Variants in STRN4 observed in about 807,000 individuals in gnomAD.
The protein encoded by STRN4 is striatin-4.
Under a neutral mutation model 77.9 loss-of-function variants are expected in STRN4, and 27 were observed. The ratio of observed to expected loss-of-function variants is 0.35; its 90% CI spans 0.26 to 0.48. STRN4 has a LOEUF of 0.48. Among genes scored for constraint, STRN4 ranks in the 20% least tolerant of loss-of-function variants. The pLI is 0.99. For missense variants in STRN4, 798 were observed against 1,049.7 expected, an observed-to-expected ratio of 0.76 and a Z score of 3.31; for synonymous variants, 466 against 443.1, an observed-to-expected ratio of 1.05 and a Z score of -0.65.
rs1394226837 is a variant in STRN4, at chr19:46,730,772, T to C, written c.839A>G (p.Asp280Gly). 6.2e-7 allele frequency: 1 copy of C among 1,612,964 alleles called. No homozygotes were observed. The highest frequency in any genetic ancestry group is 2.2e-5 in the East Asian group (1 of 44,890). Residue 280 changes from aspartate (D) to glycine (G), a missense_variant, in exon 6 of 18, where the codon GAT becomes GGT. This residue lies in a region of STRN4 where 511 missense variants were observed against 575.9 expected (regional missense o/e 0.89). Transcript: ENST00000263280. ...CTTGTGCTGCACGCTGTCCAGCTCA[T>C]CGTCCTCGTCGCTGTCTTCGTCCTC... ...NCEDEDSDED[D>G]ELDSVQHKKQ...
At chr19:46,728,363 C>T (rs1381948633) in intron 7 of STRN4, 8 of 596,528 alleles carry the variant, frequency 1.3e-5, no homozygotes, top group Admixed American at 6.1e-5. Flanking sequence ...GCTGGACGCC[C>T]GCCCTGGAGG....
Position 46,720,729 on chromosome 19 carries a change from G to A in STRN4, c.2135C>T (p.Thr712Met), listed in dbSNP as rs767231013. The A allele has an allele frequency of 5.0e-6, 8 of 1,606,972 alleles. No individual in the cohort carries two copies. Among genetic ancestry groups the A allele is most frequent in the South Asian group, 3.3e-5 (3 of 89,690 alleles). Reference protein sequence around the residue: ...SLRLWSLDNKTCVQEITAHRK... With the variant: ...SLRLWSLDNKMCVQEITAHRK... ...GTGGGCCGTGATCTCCTGCACGCAC[G>A]TTTTGTTGTCCAGGCTCCAGAGACG... The change falls in exon 17 of 18, where the codon ACG becomes ATG. Residue 712 changes from threonine to methionine, a missense_variant. Transcript: ENST00000263280.
At chr19:46,739,094 G>A (rs562372609) in intron 1 of STRN4, among the ~76,000 whole-genome samples, 9 of 152,314 alleles carry the variant, frequency 5.9e-5, no homozygotes, top group African/African-American at 1.7e-4. Flanking sequence ...CCCCTGCCAC[G>A]TCACCCACAA....
rs771382152 is a variant in STRN4 at position 46,738,044 on chromosome 19, G to T, written c.460+120C>A. On this transcript the variant is annotated intron_variant, in intron 3 of 17. Coordinates refer to ENST00000263280, the MANE Select transcript of STRN4 (RefSeq NM_013403.3). This position sits in a 1 kb window ranked among gnomAD's most constrained non-coding sequence, Gnocchi z 4.5. ...TGAGATTCCGCCCCTCCCCAGCCCCGGGGCCGATTCTGCCTTCTAAGGAGC... is the reference window on the plus strand; with the variant it reads ...TGAGATTCCGCCCCTCCCCAGCCCCTGGGCCGATTCTGCCTTCTAAGGAGC... 8 of 1,036,848 alleles carry T rather than the reference G, an allele frequency of 7.7e-6. No homozygotes were observed. Among genetic ancestry groups the T allele is most frequent in the East Asian group, 2.4e-5 (1 of 41,396 alleles). 64.2% of individuals were successfully genotyped at this position (1,036,848 alleles called of 1,614,324 possible).
chr19:46,722,309 A>G lies in STRN4; in HGVS notation c.1938T>C (p.His646=). Reference sequence around the variant, plus strand: ...CGGTGATGGTGAGAGGCTGGTTTGGATGACTCACCACTTGGTTGATCTGGG... The same window carrying G: ...CGGTGATGGTGAGAGGCTGGTTTGGGTGACTCACCACTTGGTTGATCTGGG... The part of the protein sequence containing the change: ...GPTQINQVVS[H]PNQPLTITAH... The change falls in exon 15 of 18, where the codon CAT becomes CAC. Residue 646 remains histidine (H), a synonymous_variant. Transcript: ENST00000263280. 4.3e-6 allele frequency: 7 copies of G among 1,614,140 alleles called. No homozygotes were observed. Among genetic ancestry groups the G allele is most frequent in the Non-Finnish European group, 5.9e-6 (7 of 1,180,010 alleles).
rs183320454 is a variant in STRN4 at position 46,738,942 on chromosome 19, G to C, written c.283-54C>G. 1.9e-3 allele frequency: 2,834 copies of C among 1,491,318 alleles called. 5 individuals are homozygous for C. The highest frequency in any genetic ancestry group is 2.3e-3 in the Non-Finnish European group (2,484 of 1,075,398). The allele number at this position is 1,491,318 out of a possible 1,614,324, so 92.4% of individuals were successfully genotyped here. A position where few individuals can be genotyped will look rare whatever the true frequency, so the allele number is the denominator to read the frequency against. On this transcript the variant is annotated intron_variant, in intron 1 of 17. Transcript: ENST00000263280. The surrounding 1 kb of genome is among the most constrained non-coding windows in gnomAD (Gnocchi z 4.5). The stretch of plus-strand genomic sequence containing the variant: ...GATAATGGGGCTCAGGCTCAATGCC[G>C]GTGTGTCTATCACTCACCCAGGTAT...
chr19:46,736,937 G>A (rs1056671866), intron 3 of STRN4, 36 bp from the exon 4 acceptor site: 11 of 1,602,938 alleles, frequency 6.9e-6, no homozygotes, highest in Non-Finnish European at 9.4e-6. Context: ...TCTTAAGTCA[G>A]GCCACTGCCA....
chr19:46,732,847 G>T, intron 5 of STRN4, 192 bp downstream of exon 5: 1 of 664,254 alleles, frequency 1.5e-6, no homozygotes, highest in Non-Finnish European at 2.5e-6. Flanking sequence ...AGTGTGTGGA[G>T]GGAACCCAGG....
At chr19:46,724,646 G>A (rs1040978843) in intron 12 of STRN4, among the ~76,000 whole-genome samples, 161 bp downstream of exon 12, 7 of 152,248 alleles carry the variant, frequency 4.6e-5, no homozygotes, top group Non-Finnish European at 8.8e-5. Context: ...CCTTGGCCAC[G>A]CGCTGCATCG....
At position 46,728,683 on chromosome 19, in the gene STRN4, C is replaced by T. The variant is rs1158358162; in HGVS notation, c.974G>A (p.Gly325Glu). The change falls in exon 7 of 18, where the codon GGA (glycine) becomes GAA (glutamate). Residue 325 changes from glycine to glutamate, a missense_variant. By Grantham distance (98) the Gly-to-Glu change is moderately conservative. Coordinates refer to ENST00000263280, the MANE Select transcript of STRN4 (RefSeq NM_013403.3). ...GTCTGGAGCCCCTTCCCCATCCTCT[C>T]CTGAGCCCAGGAAATCAAACTCATT... The part of the protein sequence containing the change: ...AINEFDFLGS[G>E]EDGEGAPDPR... 1.9e-6 allele frequency: 3 copies of T among 1,614,176 alleles called. No homozygotes were observed. Among genetic ancestry groups the T allele is most frequent in the Non-Finnish European group, 2.5e-6 (3 of 1,180,010 alleles).
At position 46,746,400 on chromosome 19, in the gene STRN4, CG is replaced by C; in HGVS notation, c.30del (p.Ala11ProfsTer53). The C allele has an allele frequency of 9.4e-7, 1 of 1,061,438 alleles. No homozygotes were observed. The highest frequency in any genetic ancestry group is 1.1e-6 in the Non-Finnish European group (1 of 882,108). 65.8% of individuals were successfully genotyped at this position (1,061,438 alleles called of 1,614,324 possible). A position where few individuals can be genotyped will look rare whatever the true frequency, so the allele number is the denominator to read the frequency against. MMEERAAAA[V>X]AAAASSCRPL... Reference sequence around the variant, plus strand: ...GGACGGCAGGAGGAGGCGGCGGCGGCGACCGCGGCGGCCGCTCGCTCCTCCA... The same window carrying C: ...GGACGGCAGGAGGAGGCGGCGGCGGCACCGCGGCGGCCGCTCGCTCCTCCA... On this transcript the variant is annotated frameshift_variant, in exon 1 of 18. Coordinates refer to ENST00000263280, the MANE Select transcript of STRN4 (RefSeq NM_013403.3). LOFTEE classifies it high-confidence loss of function.
intron 16 of STRN4, 197 bp from the exon 17 acceptor site, chr19:46,720,968 TC>T: frequency 2.0e-6 from 1 of 492,202 alleles, no homozygotes; most frequent in South Asian, 6.3e-5. Context: ...GTCCATCTCA[TC>T]CCCCAGCATT....
rs2054622453 is a variant in STRN4, at chr19:46,746,423, T to A, written c.8A>T (p.Glu3Val). MMEERAAAAVAAA... is the reference protein window; with the variant it reads MMVERAAAAVAAA... ...GGCGACCGCGGCGGCCGCTCGCTCCTCCATCATGGAGGCCCCGGGGCCGGC... is the reference window on the plus strand; with the variant it reads ...GGCGACCGCGGCGGCCGCTCGCTCCACCATCATGGAGGCCCCGGGGCCGGC... The change falls in exon 1 of 18, where the codon GAG (glutamate) becomes GTG (valine). Residue 3 changes from glutamate (E) to valine (V), a missense_variant. Transcript: ENST00000263280. 9.7e-7 allele frequency: 1 copy of A among 1,026,480 alleles called. No individual in the cohort carries two copies. The highest frequency in any genetic ancestry group is 1.2e-6 in the Non-Finnish European group (1 of 860,478). The allele number at this position is 1,026,480 out of a possible 1,614,324, so 63.6% of individuals were successfully genotyped here. A position where few individuals can be genotyped will look rare whatever the true frequency, so the allele number is the denominator to read the frequency against.
intron 4 of STRN4, among the ~76,000 whole-genome samples, chr19:46,735,708 T>C (rs1020298817): frequency 1.3e-5 from 2 of 152,184 alleles, no homozygotes; most frequent in African/African-American, 4.8e-5. Flanking sequence ...CTCACACCTA[T>C]AATCCCAGCA....
chr19:46,727,590 G>C, intron 8 of STRN4, 44 bp from the exon 9 acceptor site: 1 of 1,499,828 alleles, frequency 6.7e-7, no homozygotes, highest in South Asian at 1.1e-5. Context: ...GGGGAGGGAG[G>C]GGCAGAGAGG....
intron 1 of STRN4, among the ~76,000 whole-genome samples, chr19:46,739,819 C>T (rs1323200748): frequency 2.6e-5 from 4 of 152,244 alleles, no homozygotes; most frequent in African/African-American, 7.2e-5. Context: ...AGTGCCCTCC[C>T]CTCATGTGCT....
chr19:46,723,387 A>C lies in STRN4; in HGVS notation c.1595-103T>G. On this transcript the variant is annotated intron_variant, in intron 12 of 17. Coordinates refer to ENST00000263280, the MANE Select transcript of STRN4 (RefSeq NM_013403.3). This position sits in a 1 kb window ranked among gnomAD's most constrained non-coding sequence, Gnocchi z 5.5. ...GCCAAGCCCCAGGCAGCTGGGCTCC[A>C]ATCACCCACGCACCCACTTCACACC... 7.2e-7 allele frequency: 1 copy of C among 1,389,698 alleles called. No homozygotes were observed. The highest frequency in any genetic ancestry group is 1.4e-5 in the South Asian group (1 of 71,014). 86.1% of individuals were successfully genotyped at this position (1,389,698 alleles called of 1,614,324 possible). A position where few individuals can be genotyped will look rare whatever the true frequency, so the allele number is the denominator to read the frequency against.
Position 46,738,097 on chromosome 19 carries a change from C to T in STRN4, c.460+67G>A. The stretch of plus-strand genomic sequence containing the variant: ...AGTGAGAAAGAGGCACCCCATCTTC[C>T]TGCTTCTCCAGAACACTCAGCTTCT... On this transcript the variant is annotated intron_variant, in intron 3 of 17. Coordinates refer to ENST00000263280, the MANE Select transcript of STRN4 (RefSeq NM_013403.3). This position sits in a 1 kb window ranked among gnomAD's most constrained non-coding sequence, Gnocchi z 4.5. 6.6e-7 allele frequency: 1 copy of T among 1,514,558 alleles called. No homozygotes were observed. Among genetic ancestry groups the T allele is most frequent in the Non-Finnish European group, 9.2e-7 (1 of 1,089,300 alleles). The allele number at this position is 1,514,558 out of a possible 1,614,324, so 93.8% of individuals were successfully genotyped here. A position where few individuals can be genotyped will look rare whatever the true frequency, so the allele number is the denominator to read the frequency against.
rs1327730728 is a variant in STRN4 at position 46,719,640 on chromosome 19, T to TA, written c.*764dup. The stretch of plus-strand genomic sequence containing the variant: ...GAACCAAACAAGAGAGTGAAATAAA[T>TA]AGAGGGAAAGAGTGGAGACAGGGAG... On this transcript the variant is annotated 3_prime_UTR_variant, in exon 18 of 18. Coordinates refer to ENST00000263280, the MANE Select transcript of STRN4 (RefSeq NM_013403.3). 3.3e-5 allele frequency: 5 copies of TA among 152,314 alleles called. No homozygotes were observed. In the East Asian group the frequency reaches 9.7e-4, roughly 29 times the overall value. 9.4% of individuals were successfully genotyped at this position (152,314 alleles called of 1,614,324 possible).
Sources: gnomAD v4.1 joint callset for allele counts (sites outside exome capture counted in the v4.1 genomes callset) on GRCh38, gnomAD v4.1.1 for gene constraint, gnomAD v4.1.1 regional missense constraint, Gnocchi (gnomAD v3.1) non-coding constraint, MANE v1.5 for transcripts, NCBI Gene and HGNC (gene_info 2026-07-23, HGNC 2026-07-21) for gene names.